The following CHRNB3 variants were observed in gnomAD, a reference collection of about 807,000 sequenced individuals.
The protein encoded by CHRNB3 is neuronal acetylcholine receptor subunit beta-3.
CHRNB3 carries 37 observed loss-of-function variants against 40.6 expected under a neutral mutation model. The observed-to-expected ratio is 0.91, with a 90% confidence interval of 0.70 to 1.20. The LOEUF is 1.20. Ranked by LOEUF, CHRNB3 falls within the 50% of genes most tolerant of loss-of-function variation. The pLI is 0.00. For missense variants in CHRNB3, 505 were observed against 551.2 expected (o/e 0.92, Z 0.84); for synonymous variants, 207 against 207.1 (o/e 1.00, Z 0.00).
chr8:42,707,257 A>G (rs1815936350), intron 1 of CHRNB3, among the ~76,000 whole-genome samples: 1 of 152,190 alleles, frequency 6.6e-6, no homozygotes, highest in Admixed American at 6.5e-5. Flanking sequence ...TCCTGCACAC[A>G]GGGGGATGGT....
chr8:42,717,789 T>G (rs1816143461), intron 3 of CHRNB3, among the ~76,000 whole-genome samples: 2 of 151,714 alleles, frequency 1.3e-5, no homozygotes, highest in Non-Finnish European at 2.9e-5. Flanking sequence ...TAAATGTCAC[T>G]TTCTGTTGCC....
chr8:42,723,635 T>C (rs901569995), intron 3 of CHRNB3, among the ~76,000 whole-genome samples: 4 of 152,174 alleles, frequency 2.6e-5, no homozygotes, highest in African/African-American at 9.7e-5. Context: ...AGACTCAGTG[T>C]GCAGGGCACC....
intron 3 of CHRNB3, among the ~76,000 whole-genome samples, chr8:42,729,127 G>GA (rs1816357643): frequency 6.6e-6 from 1 of 152,052 alleles, no homozygotes; most frequent in Non-Finnish European, 1.5e-5. Context: ...CATGCCATTG[G>GA]CCGGGCACGG....
chr8:42,730,359 A>G (rs561206798), intron 3 of CHRNB3, among the ~76,000 whole-genome samples: 2 of 152,322 alleles, frequency 1.3e-5, no homozygotes, highest in African/African-American at 4.8e-5. Flanking sequence ...AGGCAGATAC[A>G]GTAATTTTGG....
chr8:42,729,270 C>T (rs373546285), intron 3 of CHRNB3, among the ~76,000 whole-genome samples: 8 of 151,864 alleles, frequency 5.3e-5, no homozygotes, highest in Non-Finnish European at 1.2e-4. Context: ...ATTAGCCGGG[C>T]GTGGTGGCGG....
chr8:42,733,028 AT>A lies in CHRNB3; in HGVS notation c.1242+491del, dbSNP rs112992489. Among the ~76,000 whole-genome samples, 1,468 of 147,082 alleles carry A rather than the reference AT, an allele frequency of 1.0e-2. 18 individuals carry two copies. The highest frequency in any genetic ancestry group is 0.03 in the African/African-American group (1,217 of 40,396). On this transcript the variant is annotated intron_variant, in intron 5 of 5. Coordinates refer to ENST00000289957, the MANE Select transcript of CHRNB3 (RefSeq NM_000749.5). ...GAGGATGTGGTTATTTAGTTTACAG[AT>A]TTTTTTTTTTTAAGTGTGAGCCAGG...
intron 3 of CHRNB3, among the ~76,000 whole-genome samples, chr8:42,728,376 A>T (rs1325642147): frequency 6.6e-6 from 1 of 152,078 alleles, no homozygotes; most frequent in Non-Finnish European, 1.5e-5. Flanking sequence ...CAAAACAATT[A>T]GCCGGGTGTG....
At chr8:42,733,417 T>C (rs1816462911) in intron 5 of CHRNB3, among the ~76,000 whole-genome samples, 1 of 152,022 alleles carries the variant, frequency 6.6e-6, no homozygotes. Flanking sequence ...TAAGACAAGT[T>C]ACTTAACCTG....
intron 5 of CHRNB3, among the ~76,000 whole-genome samples, chr8:42,733,618 G>A (rs1586412900): frequency 4.4e-4 from 1 of 2,250 alleles, no homozygotes; most frequent in East Asian, 6.6e-3. Flanking sequence ...TTTTTTGAGA[G>A]GAGTCTTGCT....
At chr8:42,725,462 T>C (rs1229277439) in intron 3 of CHRNB3, 6 of 643,174 alleles carry the variant, frequency 9.3e-6, no homozygotes, top group Non-Finnish European at 1.7e-5. Context: ...TCTCTGAAGA[T>C]ACTTGATAAA....
chr8:42,710,565 A>C (rs1815998231), intron 3 of CHRNB3, 131 bp downstream of exon 3: 1 of 710,090 alleles, frequency 1.4e-6, no homozygotes, highest in African/African-American at 1.8e-5. Flanking sequence ...GGAAGGGTCT[A>C]TGGCTTTTAT....
intron 3 of CHRNB3, among the ~76,000 whole-genome samples, chr8:42,727,134 A>G (rs1047114922): frequency 1.3e-5 from 2 of 152,172 alleles, no homozygotes; most frequent in Non-Finnish European, 2.9e-5. Context: ...GCATTTTGGG[A>G]GGCCAAGGTG....
At chr8:42,709,732 A>G (rs1231867843) in intron 2 of CHRNB3, among the ~76,000 whole-genome samples, 1 of 152,206 alleles carries the variant, frequency 6.6e-6, no homozygotes, top group Non-Finnish European at 1.5e-5. Flanking sequence ...CCCAGGTTCA[A>G]GTGAATCTCC....
At chr8:42,733,822 C>T (rs887787225) in intron 5 of CHRNB3, among the ~76,000 whole-genome samples, 1 of 151,332 alleles carries the variant, frequency 6.6e-6, no homozygotes, top group Non-Finnish European at 1.5e-5. Context: ...TCTCGAACTC[C>T]TGACCTCGGG....
chr8:42,719,373 G>A (rs1349736461), intron 3 of CHRNB3, among the ~76,000 whole-genome samples: 1 of 152,194 alleles, frequency 6.6e-6, no homozygotes, highest in Non-Finnish European at 1.5e-5. Flanking sequence ...GGCTGGGCAT[G>A]GTGGCTCCTG....
chr8:42,722,120 T>C (rs146355276), intron 3 of CHRNB3, among the ~76,000 whole-genome samples: 3,821 of 152,188 alleles, frequency 0.025, 172 homozygotes, highest in African/African-American at 0.087. Context: ...ACGCCTGTAA[T>C]CCTAGCACTT....
chr8:42,735,697 C>T lies in CHRNB3; in HGVS notation c.1243-787C>T, dbSNP rs1433572571. On this transcript the variant is annotated intron_variant, in intron 5 of 5. Transcript: ENST00000289957. ...GACTTTGTGTTTATGGACCTGTTGC[C>T]CACTCTCTGCACCTCCCCTTCCTAA... 2.6e-5 allele frequency among the ~76,000 whole-genome samples: 4 copies of T among 152,152 alleles called. No individual in the cohort carries two copies. In the East Asian group the frequency reaches 5.8e-4, roughly 22 times the overall value.
At chr8:42,720,272 T>C (rs75143069) in intron 3 of CHRNB3, among the ~76,000 whole-genome samples, 8,500 of 151,258 alleles carry the variant, frequency 0.056, 317 homozygotes, top group African/African-American at 0.096. Flanking sequence ...TGTGCCACCA[T>C]GCCCAGCTAA....
intron 3 of CHRNB3, among the ~76,000 whole-genome samples, chr8:42,724,846 G>A (rs1322518961): frequency 1.3e-5 from 2 of 151,980 alleles, no homozygotes; most frequent in Admixed American, 1.3e-4. Flanking sequence ...GCTGGGCATG[G>A]TGGCAGGCGC....
Sources: gnomAD v4.1 joint callset for allele counts (sites outside exome capture counted in the v4.1 genomes callset) on GRCh38, gnomAD v4.1.1 for gene constraint, MANE v1.5 for transcripts, NCBI Gene and HGNC (gene_info 2026-07-23, HGNC 2026-07-21) for gene names.